SPOCD1: variants seen among roughly 807,000 people sequenced by gnomAD.
SPOCD1 encodes the protein SPOC domain-containing protein 1.
SPOCD1 carries 64 observed loss-of-function variants against 92.2 expected under a neutral mutation model. That is an observed-to-expected ratio of 0.69 (90% CI 0.57 to 0.86). The LOEUF is 0.86. Ranked by LOEUF, SPOCD1 falls within the 40% of genes least tolerant of loss-of-function variation. The pLI is 0.00. For synonymous variants in SPOCD1, 578 were observed against 619.3 expected, an observed-to-expected ratio of 0.93 and a Z score of 0.99; for missense variants, 1,360 against 1,543.1, an observed-to-expected ratio of 0.88 and a Z score of 1.99.
chr1:31,798,762 G>T lies in SPOCD1; in HGVS notation c.1869-161C>A. On this transcript the variant is annotated intron_variant, in intron 7 of 15. Transcript: ENST00000360482. This position sits in a 1 kb window ranked among gnomAD's most constrained non-coding sequence, Gnocchi z 4.1. ...CTACTTATTCTCACCCCAACTCCGT[G>T]AGGAGGAAATAGGATCATTCTCCTT... is the stretch of plus-strand genomic sequence containing the variant. 1.4e-6 allele frequency: 1 copy of T among 702,844 alleles called. No homozygotes were observed. The highest frequency in any genetic ancestry group is 2.3e-6 in the Non-Finnish European group (1 of 427,282). 43.5% of individuals were successfully genotyped at this position (702,844 alleles called of 1,614,324 possible). A position where few individuals can be genotyped will look rare whatever the true frequency, so the allele number is the denominator to read the frequency against.
Position 31,798,158 on chromosome 1 carries a change from A to T in SPOCD1, c.2145+49T>A. ...TCCCTCTTCCACTCTCAGGCCACCC[A>T]CTCTGCCCCTACATCCCCTCACCCA... On this transcript the variant is annotated intron_variant, in intron 9 of 15. Transcript: ENST00000360482. The surrounding 1 kb of genome is among the most constrained non-coding windows in gnomAD (Gnocchi z 4.1). The T allele has an allele frequency of 7.1e-7, 1 of 1,404,402 alleles. No homozygotes were observed. The highest frequency in any genetic ancestry group is 1.4e-5 in the African/African-American group (1 of 70,412). 87.0% of individuals were successfully genotyped at this position (1,404,402 alleles called of 1,614,324 possible).
At chr1:31,810,354 A>T (rs1324046959) in intron 2 of SPOCD1, among the ~76,000 whole-genome samples, 13 of 137,958 alleles carry the variant, frequency 9.4e-5, no homozygotes, top group Admixed American at 4.4e-4. Context: ...TTAGTGTTGA[A>T]TTTTTTTTTT....
At position 31,814,733 on chromosome 1, in the gene SPOCD1, C is replaced by T. The variant is rs375660557; in HGVS notation, c.601G>A (p.Val201Ile). ...GRPLTSSPDPVPVRVRKKWRR... is the reference protein window; with the variant it reads ...GRPLTSSPDPIPVRVRKKWRR... ...CATTTCTTTCTTACCCTCACAGGGA[C>T]TGGGTCTGGTGAGGATGTCAGGGGC... Residue 201 changes from valine (V) to isoleucine (I), a missense_variant, in exon 2 of 16, where the codon GTC becomes ATC. Transcript: ENST00000360482. The surrounding 1 kb of genome is among the most constrained non-coding windows in gnomAD (Gnocchi z 4.2). 37 of 1,612,932 alleles carry T rather than the reference C, an allele frequency of 2.3e-5. No individual in the cohort carries two copies. Among genetic ancestry groups the T allele is most frequent in the Admixed American group, 3.3e-5 (2 of 59,746 alleles).
At chr1:31,806,980 G>A (rs187850541) in intron 2 of SPOCD1, among the ~76,000 whole-genome samples, 15 of 152,224 alleles carry the variant, frequency 9.9e-5, no homozygotes, top group Non-Finnish European at 1.3e-4. Flanking sequence ...AGACACAAGC[G>A]GCCAGTGGCT....
chr1:31,798,505 G>A lies in SPOCD1; in HGVS notation c.1965C>T (p.Thr655=). ...EAALWDLTQG[T]NGRYKTKYRS... ...GATACTTGGTCTTGTACCGGCCATT[G>A]GTGCCTTGTGTCAGGTCCCAGAGGG... The change falls in exon 8 of 16, where the codon ACC becomes ACT. Residue 655 remains threonine, a synonymous_variant. Coordinates refer to ENST00000360482, the MANE Select transcript of SPOCD1 (RefSeq NM_144569.7). The surrounding 1 kb of genome is among the most constrained non-coding windows in gnomAD (Gnocchi z 4.1). 1 of 1,614,054 alleles carries A rather than the reference G, an allele frequency of 6.2e-7. No homozygotes were observed. Among genetic ancestry groups the A allele is most frequent in the African/African-American group, 1.3e-5 (1 of 75,074 alleles).
At chr1:31,796,119 T>G (rs1193003028) in intron 10 of SPOCD1, 1 of 259,230 alleles carries the variant, frequency 3.9e-6, no homozygotes, top group Non-Finnish European at 7.7e-6. Context: ...TTCCCAGGTC[T>G]GAGGACAAGT....
chr1:31,798,278 G>A lies in SPOCD1; in HGVS notation c.2074C>T (p.Leu692=), dbSNP rs1648169989. ...AGCTGCATCGAGCTCATCCGCACCA[G>A]GTCGTAGGGGGTGACATCTCCATGA... ...VVHGDVTPYD[L]VRMSSMQLAP... Residue 692 remains leucine (L), a synonymous_variant, in exon 9 of 16, where the codon CTG becomes TTG. Transcript: ENST00000360482. This position sits in a 1 kb window ranked among gnomAD's most constrained non-coding sequence, Gnocchi z 4.1. 2.5e-6 allele frequency: 4 copies of A among 1,614,032 alleles called. No individual in the cohort carries two copies. Among genetic ancestry groups the A allele is most frequent in the Non-Finnish European group, 3.4e-6 (4 of 1,180,028 alleles).
rs1375474954 is a variant in SPOCD1 at position 31,814,266 on chromosome 1, A to C, written c.1068T>G (p.Ala356=). The change falls in exon 2 of 16, where the codon GCT becomes GCG. Residue 356 remains alanine, a synonymous_variant. Transcript: ENST00000360482. The surrounding 1 kb of genome is among the most constrained non-coding windows in gnomAD (Gnocchi z 4.2). ...CCAGCTCCTCCTGGTCCTGTGCTGG[A>C]GCCTGGCCTTCATCGCTGCCAGTCC... ...VVRTGSDEGQ[A]PAQDQEELEA... is the part of the protein sequence containing the mutation. 6.3e-7 allele frequency: 1 copy of C among 1,582,482 alleles called. No homozygotes were observed. Among genetic ancestry groups the C allele is most frequent in the East Asian group, 2.3e-5 (1 of 44,218 alleles).
rs1380733833 is a variant in SPOCD1 at position 31,799,455 on chromosome 1, T to C, written c.1814A>G (p.Tyr605Cys). ...AQLQQEKPSL[Y>C]IGVRGTVVRS... is the part of the protein sequence containing the mutation. ...GACAACAGTGCCCCGCACCCCAATA[T>C]ACAGGGATGGCTTCTCCTGTTGGAG... is the stretch of plus-strand genomic sequence containing the variant. Residue 605 changes from tyrosine to cysteine, a missense_variant, in exon 7 of 16, where the codon TAT (tyrosine) becomes TGT (cysteine). Physicochemically the swap from Tyr to Cys is radical, Grantham distance 194. Transcript: ENST00000360482. The C allele has an allele frequency of 6.2e-7, 1 of 1,611,974 alleles. No individual in the cohort carries two copies. Among genetic ancestry groups the C allele is most frequent in the South Asian group, 1.1e-5 (1 of 90,518 alleles).
chr1:31,808,583 T>C (rs1570196797), intron 2 of SPOCD1, among the ~76,000 whole-genome samples: 1 of 151,908 alleles, frequency 6.6e-6, no homozygotes, highest in East Asian at 1.9e-4. Flanking sequence ...ACATAGCAAG[T>C]GTCATACTTA....
chr1:31,793,998 A>T, intron 11 of SPOCD1, 101 bp from the exon 12 acceptor site: 1 of 1,522,224 alleles, frequency 6.6e-7, no homozygotes, highest in Non-Finnish European at 8.9e-7. Flanking sequence ...TTTCTAGGTG[A>T]CCTGGGGCAC....
In SPOCD1 at chr1:31,793,396, G is replaced by A. The variant is rs747078849; in HGVS notation, c.2567C>T (p.Ala856Val). 1 of 1,593,106 alleles carries A rather than the reference G, an allele frequency of 6.3e-7. No individual in the cohort carries two copies. Among genetic ancestry groups the A allele is most frequent in the Non-Finnish European group, 8.5e-7 (1 of 1,169,762 alleles). ...VPPSGLHVPAAPTKALPCLPP... is the reference protein window; with the variant it reads ...VPPSGLHVPAVPTKALPCLPP... ...CAGGCAGGGCAGGGCCTTTGTGGGT[G>A]CAGCAGGCACATGGAGCCCAGATGG... The change falls in exon 13 of 16, where the codon GCA becomes GTA. Residue 856 changes from alanine to valine, a missense_variant. Ala to Val is a moderately conservative substitution (Grantham distance 64, BLOSUM62 0). Around this residue, in one of 3 missense-constraint regions of SPOCD1, gnomAD observed 614 missense variants for 757.8 expected, o/e 0.81. Coordinates refer to ENST00000360482, the MANE Select transcript of SPOCD1 (RefSeq NM_144569.7).
chr1:31,796,814 G>T, intron 9 of SPOCD1, 99 bp from the exon 10 acceptor site: 1 of 1,548,484 alleles, frequency 6.5e-7, no homozygotes, highest in Non-Finnish European at 8.8e-7. Context: ...CCTCTCTTGT[G>T]GTTCCCCTCT....
Position 31,812,810 on chromosome 1 carries a change from G to A in SPOCD1, c.1383+1141C>T, listed in dbSNP as rs961244602. ...GTGCAGTGAGCTCTCAAGACAGACC[G>A]CCTAGGCTTGTAGCCTTGCTCCCAT... On this transcript the variant is annotated intron_variant, in intron 2 of 15. Transcript: ENST00000360482. Among the ~76,000 whole-genome samples the A allele has an allele frequency of 3.9e-5, 6 of 152,318 alleles. No homozygotes were observed. The East Asian group carries it at 1.2e-3, about 29-fold the overall frequency.
chr1:31,801,398 C>G (rs970969739), intron 3 of SPOCD1, among the ~76,000 whole-genome samples: 1 of 152,282 alleles, frequency 6.6e-6, no homozygotes. Context: ...TCATTTATTG[C>G]AAACCACAGG....
intron 15 of SPOCD1, 140 bp downstream of exon 15, chr1:31,792,075 A>C: frequency 1.1e-6 from 1 of 876,438 alleles, no homozygotes; most frequent in South Asian, 1.8e-5. Flanking sequence ...TATTACTGTC[A>C]TTGTACTCAC....
rs753496004 is a variant in SPOCD1, at chr1:31,791,119, C to T, written c.3135G>A (p.Lys1045=). The T allele has an allele frequency of 1.9e-6, 3 of 1,613,112 alleles. No individual in the cohort carries two copies. The highest frequency in any genetic ancestry group is 2.5e-6 in the Non-Finnish European group (3 of 1,179,894). ...TCCTGTCATCTGGCTGATAGTATCT[C>T]TTCTCCACCTTACTGTTGAAGGAGA... ...KMVSFNSKVE[K]RYYQPDDRRP... is the part of the protein sequence containing the mutation. The change falls in exon 16 of 16, where the codon AAG becomes AAA. Residue 1045 remains lysine, a synonymous_variant. Transcript: ENST00000360482.
intron 2 of SPOCD1, among the ~76,000 whole-genome samples, chr1:31,803,673 C>A (rs1648622368): frequency 6.6e-6 from 1 of 151,666 alleles, no homozygotes; most frequent in African/African-American, 2.4e-5. Context: ...CCGGAGAAGT[C>A]AAGGCTGCAG....
In SPOCD1 at chr1:31,814,118, T is replaced by C. The variant is rs751483030; in HGVS notation, c.1216A>G (p.Ser406Gly). 10 of 1,609,572 alleles carry C rather than the reference T, an allele frequency of 6.2e-6. No homozygotes were observed. Among genetic ancestry groups the C allele is most frequent in the Middle Eastern group, 1.7e-4 (1 of 6,034 alleles). The change falls in exon 2 of 16, where the codon AGC (serine) becomes GGC (glycine). Residue 406 changes from serine to glycine, a missense_variant. Physicochemically the swap from Ser to Gly is moderately conservative, Grantham distance 56. Transcript: ENST00000360482. The surrounding 1 kb of genome is among the most constrained non-coding windows in gnomAD (Gnocchi z 4.2). The stretch of plus-strand genomic sequence containing the variant: ...ATGAATGGGCCTGAGCAGGCCCTGC[T>C]GGCTTCAGTATCCAGGGAGGAGCTG... ...GLSSSLDTEA[S>G]RACSGPFMEQ...
Sources: allele counts gnomAD v4.1 joint callset (sites outside exome capture counted in the v4.1 genomes callset), GRCh38; gene constraint gnomAD v4.1.1; regional missense constraint gnomAD v4.1.1; non-coding constraint Gnocchi (gnomAD v3.1); transcripts MANE v1.5; gene names NCBI Gene and HGNC (gene_info 2026-07-23, HGNC 2026-07-21).